Variants in TLN2 observed in about 807,000 individuals in gnomAD.
The protein encoded by TLN2 is talin-2.
In TLN2, 118 loss-of-function variants were observed where a neutral mutation model predicts 294.7. The observed-to-expected ratio is 0.40, with a 90% CI of 0.34 to 0.47. The LOEUF (loss-of-function observed/expected upper bound fraction) is 0.47, where lower values mean the gene tolerates loss of function less well. TLN2 is among the 20% of genes least tolerant of loss of function. The probability of loss-of-function intolerance (pLI) is 0.84; values close to 1 mark genes in which losing one functional copy is unlikely to be tolerated. For synonymous variants in TLN2, 1,431 were observed against 1,304.5 expected (o/e 1.10, Z -2.09); for missense variants, 3,083 against 3,282.2 (o/e 0.94, Z 1.48).
intron 1 of TLN2, among the ~76,000 whole-genome samples, chr15:62,416,930 T>C (rs2456464): frequency 0.4 from 60,795 of 152,030 alleles, 12,859 homozygotes; most frequent in East Asian, 0.73. Context: ...GGCTCTGTTC[T>C]CCTCCCCATT....
chr15:62,547,445 C>T (rs1567082810), intron 1 of TLN2, among the ~76,000 whole-genome samples: 1 of 152,224 alleles, frequency 6.6e-6, no homozygotes, highest in Non-Finnish European at 1.5e-5. Context: ...TCAACTTACT[C>T]ATGAGCTCCT....
At chr15:62,648,404 CAAAAAAAAAA>C (rs66528062) in intron 4 of TLN2, among the ~76,000 whole-genome samples, 4 of 61,892 alleles carry the variant, frequency 6.5e-5, no homozygotes, top group African/African-American at 1.3e-4. Context: ...GACCCTGACT[CAAAAAAAAAA>C]AAAAAAAAAA....
chr15:62,430,574 A>G (rs897352194), intron 1 of TLN2, among the ~76,000 whole-genome samples: 1 of 152,204 alleles, frequency 6.6e-6, no homozygotes. Flanking sequence ...GGGGATGGTG[A>G]CTTTAATACT....
intron 1 of TLN2, among the ~76,000 whole-genome samples, chr15:62,445,633 T>C (rs2035777660): frequency 6.6e-6 from 1 of 152,172 alleles, no homozygotes; most frequent in South Asian, 2.1e-4. Flanking sequence ...CTATACAAAT[T>C]ACAGATGTCA....
At chr15:62,425,326 T>TGCC (rs10652162) in intron 1 of TLN2, among the ~76,000 whole-genome samples, 27,186 of 152,056 alleles carry the variant, frequency 0.18, 2,682 homozygotes, top group Non-Finnish European at 0.22. Flanking sequence ...TGGGGAATAC[T>TGCC]GCCTGCGGTT....
At chr15:62,664,685 C>T (rs2054323269) in intron 9 of TLN2, among the ~76,000 whole-genome samples, 1 of 151,310 alleles carries the variant, frequency 6.6e-6, no homozygotes, top group South Asian at 2.1e-4. Flanking sequence ...ATGGAGAAAC[C>T]CTGTCTCTAC....
At chr15:62,799,936 G>C (rs868044246) in intron 48 of TLN2, among the ~76,000 whole-genome samples, 1 of 148,388 alleles carries the variant, frequency 6.7e-6, no homozygotes, top group Middle Eastern at 3.5e-3. Context: ...GCCTGTAGCA[G>C]AGCACCTCAT....
intron 1 of TLN2, among the ~76,000 whole-genome samples, chr15:62,452,586 C>T (rs1427391097): frequency 6.6e-6 from 1 of 152,104 alleles, no homozygotes; most frequent in Non-Finnish European, 1.5e-5. Flanking sequence ...CTGAAACTGC[C>T]CATTACTGCT....
chr15:62,418,185 A>C (rs1449078095), intron 1 of TLN2, among the ~76,000 whole-genome samples: 1 of 152,186 alleles, frequency 6.6e-6, no homozygotes, highest in Non-Finnish European at 1.5e-5. Context: ...TGCTGGGTGC[A>C]GTGGTTGACC....
chr15:62,494,883 C>G (rs1277502833), intron 1 of TLN2, among the ~76,000 whole-genome samples: 7 of 152,118 alleles, frequency 4.6e-5, no homozygotes, highest in Non-Finnish European at 1.0e-4. Context: ...CTGCTTGGCT[C>G]CTCCAGACCT....
intron 1 of TLN2, among the ~76,000 whole-genome samples, chr15:62,416,112 A>T (rs909136492): frequency 2.0e-5 from 3 of 152,118 alleles, no homozygotes; most frequent in African/African-American, 7.2e-5. Flanking sequence ...CACCCAGGGG[A>T]ACATGGGGAG....
At chr15:62,773,396 G>A (rs750423736) in intron 42 of TLN2, among the ~76,000 whole-genome samples, 1 of 152,022 alleles carries the variant, frequency 6.6e-6, no homozygotes, top group Non-Finnish European at 1.5e-5. Context: ...AGATGATGAA[G>A]TAAAACACGA....
At chr15:62,556,772 G>A (rs2042628335) in intron 1 of TLN2, among the ~76,000 whole-genome samples, 1 of 152,122 alleles carries the variant, frequency 6.6e-6, no homozygotes, top group Non-Finnish European at 1.5e-5. Flanking sequence ...ATAAAATATT[G>A]AATAGTAATA....
At chr15:62,496,906 T>C (rs999400952) in intron 1 of TLN2, among the ~76,000 whole-genome samples, 2 of 152,226 alleles carry the variant, frequency 1.3e-5, no homozygotes, top group African/African-American at 4.8e-5. Flanking sequence ...GGAGTATTTG[T>C]GTTCTGCCTT....
chr15:62,542,722 C>G (rs999237658), intron 1 of TLN2, among the ~76,000 whole-genome samples: 4 of 152,088 alleles, frequency 2.6e-5, no homozygotes, highest in Non-Finnish European at 5.9e-5. Flanking sequence ...GATCTGATCC[C>G]TTGTCCTAGG....
chr15:62,687,446 G>GAGA (rs2057377108), intron 12 of TLN2, among the ~76,000 whole-genome samples: 1 of 152,198 alleles, frequency 6.6e-6, no homozygotes, highest in African/African-American at 2.4e-5. Flanking sequence ...GGAAAGTAGT[G>GAGA]AGAATATGTT....
At chr15:62,741,012 T>A (rs562128750) in intron 32 of TLN2, among the ~76,000 whole-genome samples, 1 of 152,372 alleles carries the variant, frequency 6.6e-6, no homozygotes, top group East Asian at 1.9e-4. Flanking sequence ...GAGACTTGTT[T>A]AGACGTAAGG....
In TLN2 at chr15:62,664,166, G is replaced by A. The variant is rs777012252; in HGVS notation, c.788+6268G>A. Among the ~76,000 whole-genome samples the A allele has an allele frequency of 2.6e-5, 4 of 151,634 alleles. No individual in the cohort carries two copies. In the South Asian group the frequency reaches 8.3e-4, roughly 32 times the overall value. ...AGAATAAAGCTCCAAACTGGAAAAAGAAATTTGCATATTTGCAATGCATAC... is the reference window on the plus strand; with the variant it reads ...AGAATAAAGCTCCAAACTGGAAAAAAAAATTTGCATATTTGCAATGCATAC... On this transcript the variant is annotated intron_variant, in intron 9 of 58. Transcript: ENST00000636159.
At chr15:62,601,386 T>C (rs894886735) in intron 2 of TLN2, among the ~76,000 whole-genome samples, 1 of 152,216 alleles carries the variant, frequency 6.6e-6, no homozygotes, top group Non-Finnish European at 1.5e-5. Context: ...CGGTTTCCCA[T>C]TGTGCTATTT....
Sources: allele counts gnomAD v4.1 joint callset (sites outside exome capture counted in the v4.1 genomes callset), GRCh38; gene constraint gnomAD v4.1.1; transcripts MANE v1.5; gene names NCBI Gene and HGNC (gene_info 2026-07-23, HGNC 2026-07-21).